OVCH1: variants seen among roughly 807,000 people sequenced by gnomAD.
OVCH1 encodes ovochymase 1.
Under a neutral mutation model 138.4 loss-of-function variants are expected in OVCH1, and 139 were observed. The observed-to-expected ratio is 1.00, with a 90% CI of 0.87 to 1.16. OVCH1 has a LOEUF of 1.16. Ranked by LOEUF, OVCH1 falls within the 50% of genes most tolerant of loss-of-function variation. The pLI, the probability that OVCH1 is intolerant of heterozygous loss-of-function variation, is 0.00. For synonymous variants in OVCH1, 453 were observed against 467.8 expected, an observed-to-expected ratio of 0.97 and a Z score of 0.41; for missense variants, 1,367 against 1,357.9, an observed-to-expected ratio of 1.01 and a Z score of -0.11.
chr12:29,420,762 C>T lies in OVCH1; in HGVS notation c.*71+2365G>A, dbSNP rs1293917749. Among the ~76,000 whole-genome samples, 2 of 7,968 alleles carry T rather than the reference C, an allele frequency of 2.5e-4. 1 individual carries two copies. Among genetic ancestry groups the T allele is most frequent in the East Asian group, 2.9e-3 (2 of 694 alleles). The allele number at this position is 7,968 out of a possible 152,430, so 5.2% of individuals were successfully genotyped here. ...CGATCTCCTGACCTCATGATCCACC[C>T]GCCTCGGCCTCCCAAAGTGCTGGGA... On this transcript the variant is annotated intron_variant and NMD_transcript_variant, in intron 3 of 4. Transcript: ENST00000539117.
At chr12:29,487,606 T>C in intron 7 of OVCH1, 87 bp downstream of exon 7, 1 of 1,302,364 alleles carries the variant, frequency 7.7e-7, no homozygotes, top group Non-Finnish European at 1.0e-6. Context: ...CTTGCTTTGT[T>C]CTAAAGCTTA....
chr12:29,487,637 T>C, intron 7 of OVCH1, 56 bp downstream of exon 7: 1 of 1,463,206 alleles, frequency 6.8e-7, no homozygotes, highest in East Asian at 2.4e-5. Context: ...TATCGCAACA[T>C]AGCAGAGTAA....
At chr12:29,431,926 T>C (rs1240572587) in intron 27 of OVCH1, among the ~76,000 whole-genome samples, 2 of 152,202 alleles carry the variant, frequency 1.3e-5, no homozygotes, top group Non-Finnish European at 2.9e-5. Flanking sequence ...TGTTAACCCA[T>C]TCATCAGCTA....
At position 29,479,824 on chromosome 12, in the gene OVCH1, C is replaced by CCT. The variant is rs776614265; in HGVS notation, c.996-917_996-916insAG. ...ATCTTAATTGGCAACTCTTTTTTTT[C>CCT]TTTTTTTTTTTTTTTTTGAGACTGA... On this transcript the variant is annotated intron_variant, in intron 8 of 27. Coordinates refer to ENST00000318184, the Ensembl canonical transcript of OVCH1. Among the ~76,000 whole-genome samples the CCT allele has an allele frequency of 2.3e-5, 3 of 128,410 alleles. No individual in the cohort carries two copies. The East Asian group carries it at 6.8e-4, about 29-fold the overall frequency. 84.2% of individuals were successfully genotyped at this position (128,410 alleles called of 152,430 possible). A position where few individuals can be genotyped will look rare whatever the true frequency, so the allele number is the denominator to read the frequency against.
rs181786708 is a variant in OVCH1 at position 29,457,329 on chromosome 12, T to G, written c.2281-1924A>C. On this transcript the variant is annotated intron_variant, in intron 19 of 27. Coordinates refer to ENST00000318184, the Ensembl canonical transcript of OVCH1. ...ACAGGGAACCTGTTCAATTTATCTC[T>G]TTTTGCCAGTGCCTATCATATGGTC... Among the ~76,000 whole-genome samples, 28 of 151,988 alleles carry G rather than the reference T, an allele frequency of 1.8e-4. No homozygotes were observed. In the East Asian group the frequency reaches 4.6e-3, roughly 25 times the overall value.
chr12:29,486,415 A>G, intron 7 of OVCH1, 67 bp from the exon 8 acceptor site: 1 of 1,244,258 alleles, frequency 8.0e-7, no homozygotes, highest in Non-Finnish European at 1.1e-6. Context: ...ATTTTTAACA[A>G]TGTGAAGTTA....
chr12:29,432,827 TTTTTGGAGACCAAAACAAG>T (rs1941293439), intron 27 of OVCH1, among the ~76,000 whole-genome samples: 1 of 152,128 alleles, frequency 6.6e-6, no homozygotes, highest in Admixed American at 6.6e-5. Flanking sequence ...GAGCTCTCCT[TTTTTGGAGACCAAAACAAG>T]TGAGATTTGA....
intron 19 of OVCH1, among the ~76,000 whole-genome samples, chr12:29,460,936 A>T (rs1181035006): frequency 6.6e-6 from 1 of 152,216 alleles, no homozygotes; most frequent in Non-Finnish European, 1.5e-5. Flanking sequence ...TAATGACAAT[A>T]AACTTATATT....
chr12:29,476,008 C>T (rs1490705259), intron 13 of OVCH1, among the ~76,000 whole-genome samples, 198 bp downstream of exon 13: 1 of 152,182 alleles, frequency 6.6e-6, no homozygotes, highest in Non-Finnish European at 1.5e-5. Flanking sequence ...ACATTTTGCA[C>T]ATTTCCATTA....
At chr12:29,478,702 A>T in intron 9 of OVCH1, 133 bp downstream of exon 10, 1 of 492,338 alleles carries the variant, frequency 2.0e-6, no homozygotes, top group Non-Finnish European at 3.3e-6. Context: ...CAAGTTTATT[A>T]GGAAAGTAAA....
At chr12:29,484,125 A>G (rs1012900712) in intron 8 of OVCH1, among the ~76,000 whole-genome samples, 1 of 152,234 alleles carries the variant, frequency 6.6e-6, no homozygotes, top group Admixed American at 6.5e-5. Context: ...ATACTTGCAG[A>G]AAGATTTTCT....
At chr12:29,488,620 C>CAAAAAAAAAAAAAAAAA (rs67595567) in intron 6 of OVCH1, among the ~76,000 whole-genome samples, 44 of 61,710 alleles carry the variant, frequency 7.1e-4, no homozygotes, top group East Asian at 2.7e-3. Context: ...GACTCCATCT[C>CAAAAAAAAAAAAAAAAA]AAAAAAAAAA....
At chr12:29,470,860 C>T (rs1828288823) in intron 16 of OVCH1, among the ~76,000 whole-genome samples, 1 of 152,198 alleles carries the variant, frequency 6.6e-6, no homozygotes. Context: ...TCCTATTTCT[C>T]TACATCCACT....
At chr12:29,491,597 A>G (rs940301953) in intron 4 of OVCH1, among the ~76,000 whole-genome samples, 2 of 152,032 alleles carry the variant, frequency 1.3e-5, no homozygotes, top group African/African-American at 4.8e-5. Flanking sequence ...AGGAGCTGTA[A>G]AGAACCTGGG....
chr12:29,435,470 C>T (rs1177694957), intron 26 of OVCH1, among the ~76,000 whole-genome samples: 1 of 152,068 alleles, frequency 6.6e-6, no homozygotes. Flanking sequence ...GGGTTCACGC[C>T]ATTCTCCTGC....
chr12:29,454,664 G>C (rs958385635), intron 21 of OVCH1, among the ~76,000 whole-genome samples, 177 bp downstream of exon 21: 4 of 152,098 alleles, frequency 2.6e-5, no homozygotes, highest in African/African-American at 9.7e-5. Context: ...CTTTGGGGTA[G>C]GAATGATCTC....
At chr12:29,405,003 T>C in the OVCH1 span, among the ~76,000 whole-genome samples, 9 of 113,276 alleles carry the variant, frequency 7.9e-5, no homozygotes, top group Admixed American at 2.5e-4. Context: ...GCCCAGGAGA[T>C]AGTGCAACAC....
chr12:29,452,459 C>T (rs1033695933), intron 21 of OVCH1, among the ~76,000 whole-genome samples: 1 of 151,812 alleles, frequency 6.6e-6, no homozygotes, highest in African/African-American at 2.4e-5. Flanking sequence ...AAGAACCAAT[C>T]AGATATTTAA....
chr12:29,483,077 A>C (rs1290400334), intron 8 of OVCH1, among the ~76,000 whole-genome samples: 1 of 152,126 alleles, frequency 6.6e-6, no homozygotes, highest in Non-Finnish European at 1.5e-5. Context: ...CTCTAAGATA[A>C]ATCAAGACAC....
Sources: allele counts gnomAD v4.1 joint callset (sites outside exome capture counted in the v4.1 genomes callset), GRCh38; gene constraint gnomAD v4.1.1; transcripts MANE v1.5; gene names NCBI Gene and HGNC (gene_info 2026-07-23, HGNC 2026-07-21).